RNMT: variants seen among roughly 807,000 people sequenced by gnomAD.
The protein encoded by RNMT is RNA guanine-7 methyltransferase, also known as mRNA cap guanine-N(7) methyltransferase.
A neutral mutation model predicts 56.0 loss-of-function variants in RNMT; 27 were observed. The ratio of observed to expected loss-of-function variants is 0.48; its 90% CI spans 0.36 to 0.67. The LOEUF (loss-of-function observed/expected upper bound fraction) is 0.67. RNMT is among the 30% of genes least tolerant of loss of function. The pLI is 0.00. For missense variants in RNMT, 519 were observed against 552.1 expected (o/e 0.94, Z 0.60); for synonymous variants, 184 against 176.2 (o/e 1.04, Z -0.35).
intron 11 of RNMT, among the ~76,000 whole-genome samples, chr18:13,758,681 C>T (rs145626077): frequency 5.8e-4 from 89 of 152,296 alleles, no homozygotes; most frequent in African/African-American, 2.1e-3. Context: ...TGTTTGCTTT[C>T]TTATTCCAGT....
chr18:13,760,513 G>A lies in RNMT; in HGVS notation c.*534G>A. On this transcript the variant is annotated 3_prime_UTR_variant, in exon 12 of 12. Coordinates refer to ENST00000383314, the MANE Select transcript of RNMT (RefSeq NM_003799.3). The stretch of plus-strand genomic sequence containing the variant: ...TTCAGATGCTCATAAAAGTTACTTA[G>A]CTAAAATTTTAGCAATTTATTGCAT... The A allele has an allele frequency of 1.0e-6, 1 of 985,430 alleles. No individual in the cohort carries two copies. Among genetic ancestry groups the A allele is most frequent in the Non-Finnish European group, 1.2e-6 (1 of 829,562 alleles). The allele number at this position is 985,430 out of a possible 1,614,324, so 61.0% of individuals were successfully genotyped here. A position where few individuals can be genotyped will look rare whatever the true frequency, so the allele number is the denominator to read the frequency against.
At chr18:13,742,698 GAAAGA>G in intron 8 of RNMT, 46 bp downstream of exon 8, 1 of 1,430,920 alleles carries the variant, frequency 7.0e-7, no homozygotes, top group Non-Finnish European at 9.5e-7. Flanking sequence ...TGTCTTAAGG[GAAAGA>G]AAAGCGGGGA....
chr18:13,733,696 T>G (rs1487591632), intron 3 of RNMT, among the ~76,000 whole-genome samples: 1 of 152,180 alleles, frequency 6.6e-6, no homozygotes, highest in East Asian at 1.9e-4. Flanking sequence ...TTTATATACA[T>G]TATCTTATTT....
chr18:13,734,849 C>T (rs891578738), intron 4 of RNMT, among the ~76,000 whole-genome samples: 3 of 152,026 alleles, frequency 2.0e-5, no homozygotes, highest in African/African-American at 7.3e-5. Flanking sequence ...CTATTTTACT[C>T]TAATAGTTTT....
At chr18:13,731,985 A>G (rs2044078398) in intron 3 of RNMT, 51 bp downstream of exon 3, 1 of 1,409,972 alleles carries the variant, frequency 7.1e-7, no homozygotes, top group Non-Finnish European at 9.6e-7. Flanking sequence ...TAAGTTTGAA[A>G]TGTGGAACAC....
rs1423421302 is a variant in RNMT, at chr18:13,763,084, T to C, written c.*3105T>C. 2.2e-6 allele frequency: 1 copy of C among 456,042 alleles called. No homozygotes were observed. Among genetic ancestry groups the C allele is most frequent in the Admixed American group, 2.3e-5 (1 of 42,574 alleles). The allele number at this position is 456,042 out of a possible 1,614,324, so 28.2% of individuals were successfully genotyped here. A position where few individuals can be genotyped will look rare whatever the true frequency, so the allele number is the denominator to read the frequency against. On this transcript the variant is annotated 3_prime_UTR_variant, in exon 12 of 12. Transcript: ENST00000383314. ...GACCAGGCCCTAATAATAGAAGTTGTACCAAAATGCCTGTGGTACTTGATG... is the reference window on the plus strand; with the variant it reads ...GACCAGGCCCTAATAATAGAAGTTGCACCAAAATGCCTGTGGTACTTGATG...
At chr18:13,752,517 A>C in intron 10 of RNMT, 90 bp downstream of exon 10, 1 of 794,872 alleles carries the variant, frequency 1.3e-6, no homozygotes, top group Non-Finnish European at 2.1e-6. Flanking sequence ...ACTTGTTTAC[A>C]ATACTTAGGC....
chr18:13,737,065 C>G lies in RNMT; in HGVS notation c.609C>G (p.Asp203Glu). Reference sequence around the variant, plus strand: ...AAAAACGTGATATCACTGTTTTGGACCTGGGATGTGGTAAAGGTGGAGATT... The same window carrying G: ...AAAAACGTGATATCACTGTTTTGGAGCTGGGATGTGGTAAAGGTGGAGATT... The part of the protein sequence containing the change: ...QKKKRDITVL[D>E]LGCGKGGDLL... The change falls in exon 5 of 12, where the codon GAC becomes GAG. Residue 203 changes from aspartate to glutamate, a missense_variant. Coordinates refer to ENST00000383314, the MANE Select transcript of RNMT (RefSeq NM_003799.3). 6.2e-7 allele frequency: 1 copy of G among 1,612,452 alleles called. No homozygotes were observed. The highest frequency in any genetic ancestry group is 8.5e-7 in the Non-Finnish European group (1 of 1,179,142).
At chr18:13,751,500 C>T (rs908322186) in intron 9 of RNMT, among the ~76,000 whole-genome samples, 3 of 152,192 alleles carry the variant, frequency 2.0e-5, no homozygotes, top group Non-Finnish European at 2.9e-5. Context: ...GAAATAGGAA[C>T]GCTTTTACAC....
chr18:13,756,938 G>A (rs531095702), intron 11 of RNMT, among the ~76,000 whole-genome samples: 2 of 152,234 alleles, frequency 1.3e-5, no homozygotes, highest in Admixed American at 6.5e-5. Flanking sequence ...GTATTTTCTT[G>A]CCCTAAAATC....
At chr18:13,744,061 C>G (rs1008181599) in intron 8 of RNMT, among the ~76,000 whole-genome samples, 1 of 149,736 alleles carries the variant, frequency 6.7e-6, no homozygotes, top group Non-Finnish European at 1.5e-5. Flanking sequence ...AATATGTTAG[C>G]TTGAGATTTT....
intron 8 of RNMT, among the ~76,000 whole-genome samples, chr18:13,743,979 C>G (rs1174469229): frequency 6.6e-6 from 1 of 151,498 alleles, no homozygotes; most frequent in Non-Finnish European, 1.5e-5. Context: ...AACTAATAAA[C>G]TGGGGAAATG....
chr18:13,761,469 C>T lies in RNMT; in HGVS notation c.*1490C>T. On this transcript the variant is annotated 3_prime_UTR_variant, in exon 12 of 12. Coordinates refer to ENST00000383314, the MANE Select transcript of RNMT (RefSeq NM_003799.3). The stretch of plus-strand genomic sequence containing the variant: ...GATAGCTTTGTAGGTACAGGAAAAA[C>T]ATCATCATTATTTCCTCTGTTCACA... 2 of 986,006 alleles carry T rather than the reference C, an allele frequency of 2.0e-6. No homozygotes were observed. Among genetic ancestry groups the T allele is most frequent in the Non-Finnish European group, 2.4e-6 (2 of 830,334 alleles). 61.1% of individuals were successfully genotyped at this position (986,006 alleles called of 1,614,324 possible).
chr18:13,756,188 A>G (rs763896205), intron 11 of RNMT, among the ~76,000 whole-genome samples: 7 of 152,204 alleles, frequency 4.6e-5, no homozygotes, highest in Admixed American at 3.9e-4. Context: ...GAGAATTGCT[A>G]TTGATTTATT....
intron 5 of RNMT, 80 bp from the exon 6 acceptor site, chr18:13,740,087 C>A: frequency 1.2e-6 from 1 of 847,594 alleles, no homozygotes; most frequent in South Asian, 1.5e-5. Flanking sequence ...ACTTTTATGC[C>A]AGAGTTTGTC....
At chr18:13,736,986 T>C in intron 4 of RNMT, 24 bp from the exon 5 acceptor site, 1 of 1,605,634 alleles carries the variant, frequency 6.2e-7, no homozygotes, top group African/African-American at 1.3e-5. Context: ...AGGTAGTTTA[T>C]TGTGACTGAT....
In RNMT at chr18:13,740,156, C is replaced by T. The variant is rs2044229108; in HGVS notation, c.680-11C>T. On this transcript the variant is annotated splice_polypyrimidine_tract_variant and intron_variant, in intron 5 of 11. Transcript: ENST00000383314. ...GTGTTGATACTTACTAATACCCTTCCATCCTTCCAGATATTGCCGATGTTT... is the reference window on the plus strand; with the variant it reads ...GTGTTGATACTTACTAATACCCTTCTATCCTTCCAGATATTGCCGATGTTT... 6 of 1,529,868 alleles carry T rather than the reference C, an allele frequency of 3.9e-6. No individual in the cohort carries two copies. The East Asian group carries it at 1.4e-4, about 34-fold the overall frequency. The allele number at this position is 1,529,868 out of a possible 1,614,324, so 94.8% of individuals were successfully genotyped here.
At chr18:13,743,330 AAAT>A (rs1292151598) in intron 8 of RNMT, among the ~76,000 whole-genome samples, 722 of 17,314 alleles carry the variant, frequency 0.042, 22 homozygotes, top group African/African-American at 0.11. Context: ...CTCAAAAAAA[AAAT>A]AAATAAATAA....
intron 11 of RNMT, 69 bp from the exon 12 acceptor site, chr18:13,759,873 G>C: frequency 7.2e-7 from 1 of 1,395,374 alleles, no homozygotes; most frequent in Non-Finnish European, 1.0e-6. Flanking sequence ...ACCAAATTAT[G>C]AACAAGACAG....
Sources: gnomAD v4.1 joint callset for allele counts (sites outside exome capture counted in the v4.1 genomes callset) on GRCh38, gnomAD v4.1.1 for gene constraint, MANE v1.5 for transcripts, NCBI Gene and HGNC (gene_info 2026-07-23, HGNC 2026-07-21) for gene names.